NKAIN2: variants seen among roughly 807,000 people sequenced by gnomAD.
NKAIN2 encodes the protein sodium/potassium-transporting ATPase subunit beta-1-interacting protein 2.
A neutral mutation model predicts 32.6 loss-of-function variants in NKAIN2; 14 were observed. The observed-to-expected ratio is 0.43, with a 90% CI of 0.28 to 0.67. NKAIN2 has a LOEUF of 0.67. NKAIN2 is among the 30% of genes least tolerant of loss of function. The pLI, the probability that NKAIN2 is intolerant of heterozygous loss-of-function variation, is 0.17. For synonymous variants in NKAIN2, 80 were observed against 87.2 expected (o/e 0.92, Z 0.46); for missense variants, 198 against 258.3 (o/e 0.77, Z 1.60).
At chr6:124,067,757 G>T (rs536339633) in intron 1 of NKAIN2, among the ~76,000 whole-genome samples, 1 of 152,200 alleles carries the variant, frequency 6.6e-6, no homozygotes, top group South Asian at 2.1e-4. Context: ...TGTCTTGAAC[G>T]TACAAATTCC....
At chr6:124,011,211 C>A (rs866666818) in intron 1 of NKAIN2, among the ~76,000 whole-genome samples, 3 of 152,110 alleles carry the variant, frequency 2.0e-5, no homozygotes, top group Non-Finnish European at 2.9e-5. Flanking sequence ...CTCTCTGAGT[C>A]CTCCTTGTTA....
chr6:123,850,813 T>C lies in NKAIN2; in HGVS notation c.54+46559T>C, dbSNP rs796938173. Among the ~76,000 whole-genome samples the C allele has an allele frequency of 4.6e-4, 70 of 152,298 alleles. 1 individual carries two copies. The highest frequency in any genetic ancestry group is 1.7e-3 in the African/African-American group (69 of 41,584). The stretch of plus-strand genomic sequence containing the variant: ...TAACTGTAGTCACCATGTTGTACAA[T>C]AGGTTTCTTGAACTTAGTCCTCATA... On this transcript the variant is annotated intron_variant, in intron 1 of 6. Transcript: ENST00000368417.
intron 3 of NKAIN2, among the ~76,000 whole-genome samples, chr6:124,623,174 G>A (rs1482484282): frequency 6.6e-6 from 1 of 152,136 alleles, no homozygotes; most frequent in African/African-American, 2.4e-5. Flanking sequence ...GATAATTGGG[G>A]AGGCATCATT....
chr6:124,446,728 G>GCA (rs1775909061), intron 3 of NKAIN2, among the ~76,000 whole-genome samples: 1 of 152,052 alleles, frequency 6.6e-6, no homozygotes, highest in Non-Finnish European at 1.5e-5. Flanking sequence ...TCTATGAAAC[G>GCA]TGGCATCTCA....
intron 1 of NKAIN2, among the ~76,000 whole-genome samples, chr6:124,243,033 A>G (rs1027203525): frequency 1.1e-4 from 17 of 149,810 alleles, no homozygotes; most frequent in African/African-American, 3.8e-4. Context: ...AACTTAAAGT[A>G]TAATTAAAAA....
chr6:123,925,139 G>T (rs944856426), intron 1 of NKAIN2, among the ~76,000 whole-genome samples: 3 of 152,044 alleles, frequency 2.0e-5, no homozygotes, highest in Non-Finnish European at 4.4e-5. Context: ...CAATGAATGT[G>T]CTTATATGAA....
chr6:124,207,549 G>T (rs1790956551), intron 1 of NKAIN2, among the ~76,000 whole-genome samples: 1 of 149,666 alleles, frequency 6.7e-6, no homozygotes. Context: ...TTTCTCAATT[G>T]CACTTCCTGG....
intron 1 of NKAIN2, among the ~76,000 whole-genome samples, chr6:124,136,724 T>C (rs1786810714): frequency 6.6e-6 from 1 of 152,134 alleles, no homozygotes; most frequent in South Asian, 2.1e-4. Context: ...ATAAATGTGA[T>C]ACATCACATA....
At chr6:124,331,297 C>G (rs534954199) in intron 2 of NKAIN2, among the ~76,000 whole-genome samples, 1 of 125,198 alleles carries the variant, frequency 8.0e-6, no homozygotes, top group South Asian at 2.6e-4. Context: ...GTCAGGAGAT[C>G]GAGACCATCC....
At chr6:124,010,417 A>C (rs1780271668) in intron 1 of NKAIN2, among the ~76,000 whole-genome samples, 1 of 151,718 alleles carries the variant, frequency 6.6e-6, no homozygotes, top group Admixed American at 6.6e-5. Context: ...TTCCATGGAT[A>C]CTTTAACATT....
intron 3 of NKAIN2, among the ~76,000 whole-genome samples, chr6:124,582,585 G>A (rs779406522): frequency 1.3e-5 from 2 of 151,892 alleles, no homozygotes; most frequent in South Asian, 2.1e-4. Flanking sequence ...AAATAGAGGA[G>A]GGGGAATTCC....
intron 1 of NKAIN2, among the ~76,000 whole-genome samples, chr6:124,031,743 G>A (rs1173155552): frequency 3.3e-5 from 5 of 152,126 alleles, no homozygotes; most frequent in African/African-American, 7.2e-5. Flanking sequence ...TTAATCCTGA[G>A]TTCTAGTTTG....
chr6:124,700,692 G>C (rs1435961294), intron 4 of NKAIN2, among the ~76,000 whole-genome samples: 1 of 152,006 alleles, frequency 6.6e-6, no homozygotes, highest in Non-Finnish European at 1.5e-5. Flanking sequence ...TAAGCATTTA[G>C]AGCAAGAGGA....
intron 5 of NKAIN2, among the ~76,000 whole-genome samples, chr6:124,794,033 T>G (rs1336286994): frequency 6.6e-6 from 1 of 152,122 alleles, no homozygotes; most frequent in East Asian, 1.9e-4. Context: ...CTTATTAGGA[T>G]AGGTTAGCTA....
chr6:124,177,300 T>C (rs947160446), intron 1 of NKAIN2, among the ~76,000 whole-genome samples: 24 of 152,178 alleles, frequency 1.6e-4, no homozygotes, highest in African/African-American at 5.3e-4. Flanking sequence ...GATATTACTT[T>C]ATAAGGGGAA....
At chr6:124,065,323 A>G (rs1002859154) in intron 1 of NKAIN2, among the ~76,000 whole-genome samples, 2 of 152,032 alleles carry the variant, frequency 1.3e-5, no homozygotes, top group East Asian at 3.9e-4. Flanking sequence ...CATATGTGAC[A>G]TGCACGCACT....
intron 2 of NKAIN2, among the ~76,000 whole-genome samples, chr6:124,331,318 G>C (rs1018637972): frequency 8.6e-6 from 1 of 116,302 alleles, no homozygotes; most frequent in Admixed American, 1.2e-4. Context: ...TGGCTAACAC[G>C]GTGAAACCCT....
rs566236706 is a variant in NKAIN2, at chr6:124,083,652, G to C, written c.55-199353G>C. ...TTTTCAAAGTCTTTGACTCCTTCCT[G>C]TTCTATGTGAAATTCAGATTAGAAC... is the stretch of plus-strand genomic sequence containing the variant. On this transcript the variant is annotated intron_variant, in intron 1 of 6. Transcript: ENST00000368417. Among the ~76,000 whole-genome samples the C allele has an allele frequency of 8.8e-4, 133 of 151,972 alleles. 1 individual carries two copies. The highest frequency in any genetic ancestry group is 3.2e-3 in the African/African-American group (131 of 41,484).
intron 1 of NKAIN2, among the ~76,000 whole-genome samples, chr6:124,215,993 C>A (rs1000278576): frequency 1.3e-5 from 2 of 151,770 alleles, no homozygotes; most frequent in African/African-American, 4.8e-5. Flanking sequence ...TGACAAGCGC[C>A]TGTAATCCCA....
Sources: gnomAD v4.1 joint callset for allele counts (sites outside exome capture counted in the v4.1 genomes callset) on GRCh38, gnomAD v4.1.1 for gene constraint, MANE v1.5 for transcripts, NCBI Gene and HGNC (gene_info 2026-07-23, HGNC 2026-07-21) for gene names.